PACRG: variants seen among roughly 807,000 people sequenced by gnomAD.
PACRG encodes parkin coregulated, also known as parkin coregulated gene protein.
A neutral mutation model predicts 29.7 loss-of-function variants in PACRG; 29 were observed. The observed-to-expected ratio is 0.98, with a 90% confidence interval of 0.73 to 1.33. PACRG has a LOEUF of 1.33. Among genes scored for constraint, PACRG ranks in the 40% most tolerant of loss-of-function variants. The pLI is 0.00. For synonymous variants in PACRG, 116 were observed against 118.7 expected, an observed-to-expected ratio of 0.98 and a Z score of 0.15; for missense variants, 279 against 316.2, an observed-to-expected ratio of 0.88 and a Z score of 0.89.
intron 4 of PACRG, among the ~76,000 whole-genome samples, chr6:163,275,756 G>A (rs1175887552): frequency 6.6e-6 from 1 of 152,068 alleles, no homozygotes; most frequent in Admixed American, 6.6e-5. Flanking sequence ...ATGGCTTTGT[G>A]AGATAATATA....
chr6:163,295,443 A>G (rs1480302673), intron 4 of PACRG, among the ~76,000 whole-genome samples: 3 of 152,188 alleles, frequency 2.0e-5, no homozygotes, highest in African/African-American at 7.2e-5. Flanking sequence ...CTTCAGCTTT[A>G]GGTTGACCTG....
chr6:162,866,563 A>T (rs1335226273), intron 2 of PACRG, among the ~76,000 whole-genome samples: 2 of 152,170 alleles, frequency 1.3e-5, no homozygotes, highest in African/African-American at 2.4e-5. Flanking sequence ...GCCACTTCAG[A>T]TATTTCATTA....
At chr6:163,267,842 T>C (rs1783587970) in intron 4 of PACRG, among the ~76,000 whole-genome samples, 1 of 152,230 alleles carries the variant, frequency 6.6e-6, no homozygotes, top group Non-Finnish European at 1.5e-5. Context: ...TCTCTCCCAA[T>C]GGCTCACTCT....
chr6:162,733,795 A>T (rs2128250951), intron 1 of PACRG, among the ~76,000 whole-genome samples: 1 of 152,182 alleles, frequency 6.6e-6, no homozygotes, highest in East Asian at 1.9e-4. Context: ...ATTTCTGTTT[A>T]AAAATTAGCT....
rs553863100 is a variant in PACRG, at chr6:162,867,696, A to G, written c.291+53415A>G. On this transcript the variant is annotated intron_variant, in intron 2 of 4. Transcript: ENST00000366888. Reference sequence around the variant, plus strand: ...CCGAACTGAAATGAGATTTTAAAATATTTTCTCCCTGTGACACAGACACAC... The same window carrying G: ...CCGAACTGAAATGAGATTTTAAAATGTTTTCTCCCTGTGACACAGACACAC... Among the ~76,000 whole-genome samples the G allele has an allele frequency of 7.9e-5, 12 of 152,242 alleles. No homozygotes were observed. In the South Asian group the frequency reaches 2.5e-3, roughly 32 times the overall value.
At chr6:162,774,566 T>C (rs1020292751) in intron 1 of PACRG, among the ~76,000 whole-genome samples, 1 of 152,224 alleles carries the variant, frequency 6.6e-6, no homozygotes, top group Admixed American at 6.5e-5. Flanking sequence ...GTCAGGATAT[T>C]CTATTAACAA....
chr6:162,913,683 G>A (rs560790630), intron 2 of PACRG, among the ~76,000 whole-genome samples: 4 of 152,216 alleles, frequency 2.6e-5, no homozygotes, highest in South Asian at 2.1e-4. Context: ...CACTAGCAGC[G>A]TTTGAGAGTC....
chr6:163,041,779 A>G (rs918797209), intron 2 of PACRG, among the ~76,000 whole-genome samples: 19 of 152,244 alleles, frequency 1.2e-4, no homozygotes, highest in Non-Finnish European at 1.8e-4. Context: ...CAGCAGCTTG[A>G]TTAAGACTCA....
chr6:162,916,977 C>T (rs1796740766), intron 2 of PACRG, among the ~76,000 whole-genome samples: 1 of 152,062 alleles, frequency 6.6e-6, no homozygotes, highest in Admixed American at 6.6e-5. Context: ...ACTGTCCGGT[C>T]TTCTAATTTT....
At chr6:162,882,485 G>C (rs892094053) in intron 2 of PACRG, among the ~76,000 whole-genome samples, 1 of 152,188 alleles carries the variant, frequency 6.6e-6, no homozygotes, top group Admixed American at 6.5e-5. Context: ...TGGCAAGTCT[G>C]TGGTAAATTC....
chr6:163,299,063 C>T (rs965775330), intron 4 of PACRG, among the ~76,000 whole-genome samples: 1 of 152,204 alleles, frequency 6.6e-6, no homozygotes, highest in Admixed American at 6.5e-5. Flanking sequence ...GACTCCTCTG[C>T]CAGAATGTGA....
Position 163,181,604 on chromosome 6 carries a change from CAAAAAAAAAAAA to C in PACRG, c.613+92212_613+92223del, listed in dbSNP as rs544633309. ...ATCAGAGATTATTTGCTTGAGGTGG[CAAAAAAAAAAAA>C]AAAAAAAAAAAAAAATACAGACACA... is the stretch of plus-strand genomic sequence containing the variant. On this transcript the variant is annotated intron_variant, in intron 4 of 4. Coordinates refer to ENST00000366888, the MANE Select transcript of PACRG (RefSeq NM_001080379.2). Among the ~76,000 whole-genome samples, 500 of 65,122 alleles carry C rather than the reference CAAAAAAAAAAAA, an allele frequency of 7.7e-3. 2 individuals are homozygous for C. Among genetic ancestry groups the C allele is most frequent in the South Asian group, 0.027 (39 of 1,454 alleles). 42.7% of individuals were successfully genotyped at this position (65,122 alleles called of 152,430 possible).
At chr6:162,890,643 C>T (rs1238108148) in intron 2 of PACRG, among the ~76,000 whole-genome samples, 8 of 152,162 alleles carry the variant, frequency 5.3e-5, no homozygotes, top group African/African-American at 1.7e-4. Flanking sequence ...TGTACCACCT[C>T]CTGCCAGAAA....
intron 4 of PACRG, among the ~76,000 whole-genome samples, chr6:163,259,248 T>C (rs1051106305): frequency 6.6e-6 from 1 of 152,188 alleles, no homozygotes; most frequent in African/African-American, 2.4e-5. Context: ...AGCAAAAGCA[T>C]GAGAAGACAT....
intron 3 of PACRG, among the ~76,000 whole-genome samples, chr6:163,086,439 G>A (rs567634370): frequency 7.9e-5 from 12 of 152,276 alleles, no homozygotes; most frequent in Non-Finnish European, 7.3e-5. Context: ...TCTAACTGCT[G>A]CTGTAATGAG....
intron 4 of PACRG, among the ~76,000 whole-genome samples, chr6:163,104,817 A>G (rs904759001): frequency 9.2e-5 from 14 of 152,188 alleles, no homozygotes; most frequent in African/African-American, 3.4e-4. Context: ...TAATAGGTAA[A>G]CACATTAAAA....
At chr6:163,283,482 T>G (rs962297913) in intron 4 of PACRG, among the ~76,000 whole-genome samples, 1 of 152,224 alleles carries the variant, frequency 6.6e-6, no homozygotes, top group African/African-American at 2.4e-5. Context: ...TATGGATAAA[T>G]CAATGTGTTA....
At chr6:163,171,588 C>A (rs1258097489) in intron 4 of PACRG, among the ~76,000 whole-genome samples, 1 of 152,198 alleles carries the variant, frequency 6.6e-6, no homozygotes, top group African/African-American at 2.4e-5. Context: ...GATTATAGCT[C>A]TTCTCAAGTG....
chr6:163,306,317 A>C (rs993955313), intron 4 of PACRG, among the ~76,000 whole-genome samples: 1 of 152,204 alleles, frequency 6.6e-6, no homozygotes, highest in Non-Finnish European at 1.5e-5. Context: ...GCCAATAAGA[A>C]AAGAGATGAG....
Sources: allele counts gnomAD v4.1 joint callset (sites outside exome capture counted in the v4.1 genomes callset), GRCh38; gene constraint gnomAD v4.1.1; transcripts MANE v1.5; gene names NCBI Gene and HGNC (gene_info 2026-07-23, HGNC 2026-07-21).